STX7: variants seen among roughly 807,000 people sequenced by gnomAD.
STX7 encodes syntaxin 7, also known as syntaxin-7.
Under a neutral mutation model 39.6 loss-of-function variants are expected in STX7, and 34 were observed. The ratio of observed to expected loss-of-function variants is 0.86; its 90% CI spans 0.65 to 1.14. STX7 has a LOEUF of 1.14. Ranked by LOEUF, STX7 falls within the 50% of genes most tolerant of loss-of-function variation. STX7 has a pLI of 0.00. For missense variants in STX7, 284 were observed against 310.4 expected (o/e 0.92, Z 0.64); for synonymous variants, 119 against 99.1 (o/e 1.20, Z -1.19).
At chr6:132,489,499 C>T (rs1582669980) in intron 2 of STX7, among the ~76,000 whole-genome samples, 1 of 152,292 alleles carries the variant, frequency 6.6e-6, no homozygotes, top group Non-Finnish European at 1.5e-5. Context: ...ATAATTCTGG[C>T]TTTTCCCCTC....
intron 2 of STX7, among the ~76,000 whole-genome samples, chr6:132,502,772 G>A (rs898933925): frequency 1.3e-5 from 2 of 152,226 alleles, no homozygotes; most frequent in Admixed American, 6.5e-5. Context: ...GGTGGCGGGC[G>A]CCTGTAGTCC....
At chr6:132,463,738 T>C (rs959660510) in intron 9 of STX7, among the ~76,000 whole-genome samples, 1 of 152,168 alleles carries the variant, frequency 6.6e-6, no homozygotes, top group Non-Finnish European at 1.5e-5. Flanking sequence ...AAGCCTAGAA[T>C]TGTCTCTGCC....
chr6:132,465,398 C>T (rs1226308178), intron 8 of STX7, among the ~76,000 whole-genome samples: 1 of 152,160 alleles, frequency 6.6e-6, no homozygotes, highest in African/African-American at 2.4e-5. Context: ...TCCTCACTTC[C>T]CTCCTTACCC....
At chr6:132,495,167 T>TA (rs1340862673) in intron 2 of STX7, among the ~76,000 whole-genome samples, 1 of 152,162 alleles carries the variant, frequency 6.6e-6, no homozygotes, top group Non-Finnish European at 1.5e-5. Flanking sequence ...AGCCACATCT[T>TA]AAAGATTTAG....
chr6:132,512,210 ATATAAT>A (rs746799875), intron 1 of STX7, among the ~76,000 whole-genome samples: 13 of 152,202 alleles, frequency 8.5e-5, no homozygotes, highest in Non-Finnish European at 1.6e-4. Flanking sequence ...TATATATTAT[ATATAAT>A]TATAGTCAGA....
intron 1 of STX7, among the ~76,000 whole-genome samples, chr6:132,509,493 A>C (rs1562343677): frequency 0.017 from 2,015 of 120,180 alleles, 132 homozygotes; most frequent in Admixed American, 0.04. Context: ...ATAACATAAC[A>C]TAACATAACA....
intron 2 of STX7, among the ~76,000 whole-genome samples, chr6:132,499,156 T>C (rs749729529): frequency 6.6e-6 from 1 of 152,198 alleles, no homozygotes; most frequent in African/African-American, 2.4e-5. Flanking sequence ...TTTCAAAACA[T>C]TTCCTTTGCA....
chr6:132,478,355 T>C lies in STX7; in HGVS notation c.86-2693A>G, dbSNP rs1355439125. Among the ~76,000 whole-genome samples the C allele has an allele frequency of 2.6e-5, 4 of 152,170 alleles. No individual in the cohort carries two copies. In the East Asian group the frequency reaches 5.8e-4, roughly 22 times the overall value. ...AGCCAATTAAAGAATTGAGTAGAAA[T>C]GGATTCTGACAGGCCCAATGGGAGC... On this transcript the variant is annotated intron_variant, in intron 2 of 9. Coordinates refer to ENST00000367941, the MANE Select transcript of STX7 (RefSeq NM_003569.3).
In STX7 at chr6:132,470,032, T is replaced by C; in HGVS notation, c.456A>G (p.Gln152=). 1 of 1,584,064 alleles carries C rather than the reference T, an allele frequency of 6.3e-7. No homozygotes were observed. Among genetic ancestry groups the C allele is most frequent in the East Asian group, 2.4e-5 (1 of 42,400 alleles). Reference sequence around the variant, plus strand: ...TAATTTCTTCATCCTGCACCTGCACTTGAGGTTGAGTTTGGCTAACAGAAA... The same window carrying C: ...TAATTTCTTCATCCTGCACCTGCACCTGAGGTTGAGTTTGGCTAACAGAAA... ...LVSWESQTQP[Q]VQVQDEEITE... The change falls in exon 7 of 10, where the codon CAA becomes CAG. Residue 152 remains glutamine (Q), a synonymous_variant. Transcript: ENST00000367941.
intron 2 of STX7, among the ~76,000 whole-genome samples, chr6:132,497,136 A>G (rs538051943): frequency 6.6e-6 from 1 of 152,204 alleles, no homozygotes; most frequent in Non-Finnish European, 1.5e-5. Flanking sequence ...TCTGGGAAGC[A>G]TTGTTCATCC....
At chr6:132,470,762 T>TGC in intron 5 of STX7, 136 bp from the exon 6 acceptor site, 1 of 429,462 alleles carries the variant, frequency 2.3e-6, no homozygotes. Flanking sequence ...TGTGTGTGTG[T>TGC]AGAGACAGAG....
chr6:132,446,236 T>TA lies in STX7; in HGVS notation c.*14521dup, dbSNP rs1475715022. On this transcript the variant is annotated 3_prime_UTR_variant, in exon 10 of 10. Coordinates refer to ENST00000367941, the MANE Select transcript of STX7 (RefSeq NM_003569.3). ...TTCTTTTTAAACTACCTGACCCTTA[T>TA]AATCATATGGTGAGTTGGTCTGATC... 1 of 152,182 alleles carries TA rather than the reference T, an allele frequency of 6.6e-6. No individual in the cohort carries two copies. The highest frequency in any genetic ancestry group is 1.5e-5 in the Non-Finnish European group (1 of 68,016). The allele number at this position is 152,182 out of a possible 1,614,324, so 9.4% of individuals were successfully genotyped here.
chr6:132,504,969 G>C (rs981585135), intron 1 of STX7, among the ~76,000 whole-genome samples: 3 of 152,210 alleles, frequency 2.0e-5, no homozygotes, highest in African/African-American at 7.2e-5. Flanking sequence ...AGGAAGGGAA[G>C]GTTCCTGGCC....
intron 9 of STX7, among the ~76,000 whole-genome samples, chr6:132,461,433 A>G (rs1434355274): frequency 6.6e-6 from 1 of 152,012 alleles, no homozygotes; most frequent in Non-Finnish European, 1.5e-5. Context: ...CAGCCTCCCA[A>G]GTAGCTGGGA....
intron 5 of STX7, among the ~76,000 whole-genome samples, chr6:132,471,077 C>A (rs1048603171): frequency 1.3e-5 from 2 of 152,110 alleles, no homozygotes; most frequent in African/African-American, 4.8e-5. Flanking sequence ...AACATACTTG[C>A]GCCATTCATC....
At position 132,503,533 on chromosome 6, in the gene STX7, T is replaced by C. The variant is rs1281183928; in HGVS notation, c.-3A>G. 13 of 1,613,144 alleles carry C rather than the reference T, an allele frequency of 8.1e-6. No individual in the cohort carries two copies. Among genetic ancestry groups the C allele is most frequent in the African/African-American group, 4.0e-5 (3 of 74,902 alleles). On this transcript the variant is annotated 5_prime_UTR_variant, in exon 2 of 10. Coordinates refer to ENST00000367941, the MANE Select transcript of STX7 (RefSeq NM_003569.3). ...CCAACTCCTGGAGTGTAAGACATGGTTGATGTTCTTATTCGCTAATTTCAT... is the reference window on the plus strand; with the variant it reads ...CCAACTCCTGGAGTGTAAGACATGGCTGATGTTCTTATTCGCTAATTTCAT...
chr6:132,468,434 T>G lies in STX7; in HGVS notation c.579A>C (p.Gly193=), dbSNP rs367754445. The change falls in exon 8 of 10, where the codon GGA becomes GGC. Residue 193 remains glycine, a synonymous_variant. Transcript: ENST00000367941. The part of the protein sequence containing the change: ...MDINEIFKDL[G]MMIHEQGDVI... ...CATCTCCTTGTTCATGAATCATCAT[T>G]CCCAAATCTTTAAATATTTCATTAA... The G allele has an allele frequency of 2.4e-5, 39 of 1,607,986 alleles. No homozygotes were observed. The highest frequency in any genetic ancestry group is 3.3e-5 in the Non-Finnish European group (39 of 1,176,984).
At chr6:132,467,980 G>A (rs1378904343) in intron 8 of STX7, among the ~76,000 whole-genome samples, 2 of 152,152 alleles carry the variant, frequency 1.3e-5, no homozygotes, top group Non-Finnish European at 2.9e-5. Flanking sequence ...TTAGGCAAAT[G>A]TCTACCTATT....
At chr6:132,506,357 G>A (rs918757850) in intron 1 of STX7, among the ~76,000 whole-genome samples, 2 of 151,850 alleles carry the variant, frequency 1.3e-5, no homozygotes, top group South Asian at 2.1e-4. Flanking sequence ...CACATCCAAC[G>A]AGATTAATAT....
Sources: gnomAD v4.1 joint callset for allele counts (sites outside exome capture counted in the v4.1 genomes callset) on GRCh38, gnomAD v4.1.1 for gene constraint, MANE v1.5 for transcripts, NCBI Gene and HGNC (gene_info 2026-07-23, HGNC 2026-07-21) for gene names.